GRIP1: variants seen among roughly 807,000 people sequenced by gnomAD.
GRIP1 encodes glutamate receptor interacting protein 1.
In GRIP1, 45 loss-of-function variants were observed where a neutral mutation model predicts 129.9. The ratio of observed to expected loss-of-function variants is 0.35; its 90% confidence interval spans 0.27 to 0.44. The LOEUF is 0.44. Among genes scored for constraint, GRIP1 ranks in the 20% least tolerant of loss-of-function variants. The pLI is 1.00. For missense variants in GRIP1, 1,196 were observed against 1,396.8 expected (o/e 0.86, Z 2.29); for synonymous variants, 530 against 520.8 (o/e 1.02, Z -0.24).
upstream of GRIP1, among the ~76,000 whole-genome samples, chr12:66,682,671 G>A (rs1428024937): frequency 4.6e-5 from 7 of 151,916 alleles, no homozygotes; most frequent in Non-Finnish European, 1.5e-5. Context: ...AAAATAAATA[G>A]CGCTGTTTGG....
chr12:66,853,151 T>A (rs1191598105), intron 1 of GRIP1, among the ~76,000 whole-genome samples: 1 of 151,592 alleles, frequency 6.6e-6, no homozygotes, highest in Non-Finnish European at 1.5e-5. Context: ...ACTGTAATTC[T>A]CAAGCAGAAG....
intron 1 of GRIP1, among the ~76,000 whole-genome samples, chr12:66,734,248 G>A (rs1165052634): frequency 6.6e-6 from 1 of 152,068 alleles, no homozygotes; most frequent in Non-Finnish European, 1.5e-5. Context: ...AATGTGTTTG[G>A]CACTGATACC....
chr12:66,986,573 C>A (rs1466447721), intron 1 of GRIP1, among the ~76,000 whole-genome samples: 1 of 149,084 alleles, frequency 6.7e-6, no homozygotes, highest in African/African-American at 2.5e-5. Flanking sequence ...TAAACTATTG[C>A]AAGGACAAAA....
intron 1 of GRIP1, among the ~76,000 whole-genome samples, chr12:66,606,337 T>A (rs911555337): frequency 1.3e-5 from 2 of 152,206 alleles, no homozygotes; most frequent in African/African-American, 2.4e-5. Context: ...AAATGAGAGT[T>A]TAATTATAAT....
intron 1 of GRIP1, among the ~76,000 whole-genome samples, chr12:66,979,442 T>C (rs2042212024): frequency 6.6e-6 from 1 of 151,858 alleles, no homozygotes; most frequent in African/African-American, 2.4e-5. Context: ...ATGAAAAAGT[T>C]AGAGCACTAC....
In GRIP1 at chr12:66,942,033, G is replaced by A. The variant is rs185485647; in HGVS notation, c.58+127017C>T. On this transcript the variant is annotated intron_variant, in intron 1 of 1. Transcript: ENST00000643019. ...GAAACCAGGGAATGTTATTATATCT[G>A]CTAGCTTTCATAGAACACTTACAGG... Among the ~76,000 whole-genome samples, 6 of 152,262 alleles carry A rather than the reference G, an allele frequency of 3.9e-5. No individual in the cohort carries two copies. In the East Asian group the frequency reaches 7.7e-4, roughly 20 times the overall value.
At chr12:66,943,219 C>T (rs1178882705) in intron 1 of GRIP1, among the ~76,000 whole-genome samples, 6 of 151,868 alleles carry the variant, frequency 4.0e-5, no homozygotes, top group Non-Finnish European at 5.9e-5. Context: ...AGGGGTTAAC[C>T]CAAAGAGAGA....
At position 66,977,244 on chromosome 12, in the gene GRIP1, C is replaced by CT. The variant is rs202219341; in HGVS notation, c.58+91805dup. 4.1e-3 allele frequency among the ~76,000 whole-genome samples: 520 copies of CT among 127,478 alleles called. 2 individuals carry two copies. The highest frequency in any genetic ancestry group is 6.2e-3 in the Non-Finnish European group (363 of 58,510). 83.6% of individuals were successfully genotyped at this position (127,478 alleles called of 152,430 possible). A position where few individuals can be genotyped will look rare whatever the true frequency, so the allele number is the denominator to read the frequency against. ...ATCATTTTCTGCATTTCTTTTTTTT[C>CT]TTTTTTTTTATTATTATTATACTTT... On this transcript the variant is annotated intron_variant, in intron 1 of 1. Transcript: ENST00000643019.
At chr12:67,015,459 T>C (rs768919654) in intron 1 of GRIP1, among the ~76,000 whole-genome samples, 4 of 152,208 alleles carry the variant, frequency 2.6e-5, no homozygotes, top group Non-Finnish European at 2.9e-5. Flanking sequence ...AATCCTGCTA[T>C]AGCAGACAGA....
intron 1 of GRIP1, among the ~76,000 whole-genome samples, chr12:66,722,687 A>G (rs2036095746): frequency 6.6e-6 from 1 of 152,186 alleles, no homozygotes; most frequent in Admixed American, 6.5e-5. Context: ...GGATGCCTGT[A>G]TGTAGCTTCT....
chr12:66,406,182 A>G lies in GRIP1; in HGVS notation c.1984+101T>C, dbSNP rs1390702463. On this transcript the variant is annotated intron_variant, in intron 16 of 24. Transcript: ENST00000359742. ...TTTAGCTGTGAAACACTGCTGCCACATCACTAGCCAGCTGTTGTATGTAAA... is the reference window on the plus strand; with the variant it reads ...TTTAGCTGTGAAACACTGCTGCCACGTCACTAGCCAGCTGTTGTATGTAAA... 5.1e-6 allele frequency: 6 copies of G among 1,176,036 alleles called. No homozygotes were observed. In the East Asian group the frequency reaches 9.5e-5, roughly 19 times the overall value. The allele number at this position is 1,176,036 out of a possible 1,614,324, so 72.9% of individuals were successfully genotyped here. A position where few individuals can be genotyped will look rare whatever the true frequency, so the allele number is the denominator to read the frequency against.
At chr12:66,689,311 A>G (rs1231561498) in intron 1 of GRIP1, among the ~76,000 whole-genome samples, 2 of 152,212 alleles carry the variant, frequency 1.3e-5, no homozygotes, top group African/African-American at 2.4e-5. Context: ...TGGGAAAGCC[A>G]AGGGGGAGCC....
chr12:66,996,151 A>C (rs1442924695), intron 1 of GRIP1, among the ~76,000 whole-genome samples: 1 of 151,810 alleles, frequency 6.6e-6, no homozygotes, highest in African/African-American at 2.4e-5. Flanking sequence ...TAGAGTGGGG[A>C]GGGGAAAATA....
rs1039084362 is a variant in GRIP1, at chr12:66,541,886, C to T, written c.201G>A (p.Thr67=). The T allele has an allele frequency of 6.2e-6, 10 of 1,613,794 alleles. No homozygotes were observed. Among genetic ancestry groups the T allele is most frequent in the South Asian group, 2.2e-5 (2 of 91,078 alleles). The change falls in exon 3 of 25, where the codon ACG becomes ACA. Residue 67 remains threonine, a synonymous_variant. Transcript: ENST00000359742. The part of the protein sequence containing the change: ...MKKEGTTLGL[T]VSGGIDKDGK... ...CATCCTTATCAATTCCTCCCGATAC[C>T]GTCAGACCCAGGGTAGTGCCTTCCT...
intron 2 of GRIP1, among the ~76,000 whole-genome samples, chr12:66,590,984 C>G (rs568431364): frequency 1.3e-5 from 2 of 152,320 alleles, no homozygotes; most frequent in South Asian, 4.1e-4. Context: ...CTGACTTTTG[C>G]TTATTCATTC....
rs954235055 is a variant in GRIP1, at chr12:66,833,861, T to TA, written c.58+235188dup. 4.0e-5 allele frequency among the ~76,000 whole-genome samples: 6 copies of TA among 151,844 alleles called. No homozygotes were observed. In the East Asian group the frequency reaches 5.8e-4, roughly 15 times the overall value. On this transcript the variant is annotated intron_variant, in intron 1 of 1. Coordinates refer to the GRIP1 transcript ENST00000643019. Reference sequence around the variant, plus strand: ...AAAGGCTTACAAATGTGCTAGCTATTAAAAAAAAATTTAAAAGGATTATGT... The same window carrying TA: ...AAAGGCTTACAAATGTGCTAGCTATTAAAAAAAAAATTTAAAAGGATTATGT...
At chr12:66,822,903 C>T (rs2039345845) in intron 1 of GRIP1, among the ~76,000 whole-genome samples, 1 of 152,150 alleles carries the variant, frequency 6.6e-6, no homozygotes, top group Non-Finnish European at 1.5e-5. Context: ...CTGATGAGAT[C>T]AATCATACCC....
At chr12:66,840,122 G>A (rs562748876) in intron 1 of GRIP1, among the ~76,000 whole-genome samples, 2 of 152,170 alleles carry the variant, frequency 1.3e-5, no homozygotes, top group African/African-American at 2.4e-5. Flanking sequence ...TCAAGCTGCA[G>A]CTACAGCTAC....
At chr12:66,662,109 A>G (rs778739940) in intron 1 of GRIP1, among the ~76,000 whole-genome samples, 10 of 152,174 alleles carry the variant, frequency 6.6e-5, no homozygotes, top group South Asian at 2.1e-4. Context: ...AAAACAATCA[A>G]TCAAAGCATT....
Sources: allele counts gnomAD v4.1 joint callset (sites outside exome capture counted in the v4.1 genomes callset), GRCh38; gene constraint gnomAD v4.1.1; transcripts MANE v1.5; gene names NCBI Gene and HGNC (gene_info 2026-07-23, HGNC 2026-07-21).